Variants in STAB2 observed in about 807,000 individuals in gnomAD.
The protein encoded by STAB2 is stabilin 2.
Under a neutral mutation model 338.1 loss-of-function variants are expected in STAB2, and 288 were observed. That is an observed-to-expected ratio of 0.85 (90% CI 0.77 to 0.94). STAB2 has a LOEUF of 0.94. STAB2 is among the 40% of genes least tolerant of loss of function. The pLI is 0.00. For synonymous variants in STAB2, 1,202 were observed against 1,193.3 expected (o/e 1.01, Z -0.15); for missense variants, 3,141 against 3,210.1 (o/e 0.98, Z 0.52).
Position 103,670,726 on chromosome 12 carries a change from T to C in STAB2, c.2290T>C (p.Cys764Arg), listed in dbSNP as rs756137023. The change falls in exon 22 of 69, where the codon TGC (cysteine) becomes CGC (arginine). Residue 764 changes from cysteine (C) to arginine (R), a missense_variant. Transcript: ENST00000388887. ...CADSLGGNGT[C>R]ICEEGFQGSQ... ...AGATAGCCTCGGCGGCAACGGGACATGCATTTGTGAGGAGGGCTTCCAAGG... is the reference window on the plus strand; with the variant it reads ...AGATAGCCTCGGCGGCAACGGGACACGCATTTGTGAGGAGGGCTTCCAAGG... 2.4e-5 allele frequency: 39 copies of C among 1,614,028 alleles called. No individual in the cohort carries two copies. In the Admixed American group the frequency reaches 6.3e-4, roughly 26 times the overall value.
At chr12:103,735,955 A>G (rs1882087613) in intron 52 of STAB2, among the ~76,000 whole-genome samples, 1 of 151,774 alleles carries the variant, frequency 6.6e-6, no homozygotes, top group African/African-American at 2.4e-5. Flanking sequence ...CTCACCTCCA[A>G]CCCTCTCTTG....
At chr12:103,688,828 C>A (rs2138898123) in intron 28 of STAB2, among the ~76,000 whole-genome samples, 1 of 152,292 alleles carries the variant, frequency 6.6e-6, no homozygotes, top group African/African-American at 2.4e-5. Context: ...CTTGGTCTCA[C>A]CCCACAGGCA....
chr12:103,746,597 T>C lies in STAB2; in HGVS notation c.6137T>C (p.Val2046Ala). The change falls in exon 58 of 69, where the codon GTT becomes GCT. Residue 2046 changes from valine (V) to alanine (A), a missense_variant and splice_region_variant. Physicochemically the swap from Val to Ala is moderately conservative, Grantham distance 64. Transcript: ENST00000388887. The stretch of plus-strand genomic sequence containing the variant: ...ATGAAAGTGGCCCCTTTCTTTGCAG[T>C]TTTGCCTGCAGTGTGTACGCCTCCT... ...WTGPSCDTQAVLPAVCTPPCS... is the reference protein window; with the variant it reads ...WTGPSCDTQAALPAVCTPPCS... The C allele has an allele frequency of 6.2e-7, 1 of 1,613,928 alleles. No homozygotes were observed. The highest frequency in any genetic ancestry group is 2.2e-5 in the East Asian group (1 of 44,876).
At chr12:103,705,786 A>G in intron 37 of STAB2, 59 bp downstream of exon 37, 2 of 1,520,512 alleles carry the variant, frequency 1.3e-6, no homozygotes, top group East Asian at 2.3e-5. Flanking sequence ...AATCCATCAT[A>G]TGGTATCCTT....
At chr12:103,711,816 C>T (rs1368570489) in intron 40 of STAB2, among the ~76,000 whole-genome samples, 2 of 152,162 alleles carry the variant, frequency 1.3e-5, no homozygotes, top group African/African-American at 2.4e-5. Flanking sequence ...CCTCAGTTTC[C>T]ATAAACCTTG....
rs1379959759 is a variant in STAB2, at chr12:103,725,178, C to G, written c.4803+84C>G. 6 of 1,542,446 alleles carry G rather than the reference C, an allele frequency of 3.9e-6. No homozygotes were observed. In the Admixed American group the frequency reaches 1.2e-4, roughly 30 times the overall value. Reference sequence around the variant, plus strand: ...CAGGTAGCTAAGGAGTATTTAAGAGCTTGGTGAAATGTAAAGCGCTATAAA... The same window carrying G: ...CAGGTAGCTAAGGAGTATTTAAGAGGTTGGTGAAATGTAAAGCGCTATAAA... On this transcript the variant is annotated intron_variant, in intron 45 of 68. Coordinates refer to ENST00000388887, the MANE Select transcript of STAB2 (RefSeq NM_017564.10).
Position 103,735,585 on chromosome 12 carries a change from G to C in STAB2, c.5550+5G>C. The C allele has an allele frequency of 1.7e-6, 1 of 572,734 alleles. No homozygotes were observed. The highest frequency in any genetic ancestry group is 3.3e-6 in the Non-Finnish European group (1 of 304,560). The allele number at this position is 572,734 out of a possible 1,614,324, so 35.5% of individuals were successfully genotyped here. The stretch of plus-strand genomic sequence containing the variant: ...TGTGGAGCTGGCAGGGACATCGTGA[G>C]TATCATCATGAAGGGTGGGCAGGGA... On this transcript the variant is annotated splice_donor_5th_base_variant and intron_variant, in intron 52 of 68. Coordinates refer to ENST00000388887, the MANE Select transcript of STAB2 (RefSeq NM_017564.10).
chr12:103,755,335 G>C lies in STAB2; in HGVS notation c.6748G>C (p.Glu2250Gln). The change falls in exon 62 of 69, where the codon GAG (glutamate) becomes CAG (glutamine). Residue 2250 changes from glutamate (E) to glutamine (Q), a missense_variant. By Grantham distance (29) the Glu-to-Gln change is conservative. Coordinates refer to ENST00000388887, the MANE Select transcript of STAB2 (RefSeq NM_017564.10). ...CCACCTGTGCTCAGCAGGCTGGCTG[G>C]AGACCGGGCGGGTTGCCTACCCCAC... ...KYHLCSAGWL[E>Q]TGRVAYPTAF... The C allele has an allele frequency of 6.2e-7, 1 of 1,614,136 alleles. No homozygotes were observed. The highest frequency in any genetic ancestry group is 8.5e-7 in the Non-Finnish European group (1 of 1,180,040).
chr12:103,618,603 GGGAAGGGACAGCA>G (rs1957247832), intron 3 of STAB2, among the ~76,000 whole-genome samples: 1 of 152,198 alleles, frequency 6.6e-6, no homozygotes. Flanking sequence ...GGGGATGAGA[GGGAAGGGACAGCA>G]GGAAGGTGGT....
intron 3 of STAB2, among the ~76,000 whole-genome samples, chr12:103,605,174 A>G (rs559807529): frequency 6.6e-6 from 1 of 152,002 alleles, no homozygotes; most frequent in South Asian, 2.1e-4. Context: ...ATTGTTTCCA[A>G]ATATGTTTCT....
At chr12:103,706,094 C>G (rs1415650377) in intron 37 of STAB2, among the ~76,000 whole-genome samples, 6 of 152,130 alleles carry the variant, frequency 3.9e-5, no homozygotes. Context: ...ATTTAGAAAA[C>G]AGGACCCCAA....
Position 103,731,756 on chromosome 12 carries a change from G to A in STAB2, c.5283+121G>A, listed in dbSNP as rs1251418543. 3 of 932,918 alleles carry A rather than the reference G, an allele frequency of 3.2e-6. No individual in the cohort carries two copies. The African/African-American group carries it at 5.0e-5, about 16-fold the overall frequency. 57.8% of individuals were successfully genotyped at this position (932,918 alleles called of 1,614,324 possible). A position where few individuals can be genotyped will look rare whatever the true frequency, so the allele number is the denominator to read the frequency against. On this transcript the variant is annotated intron_variant, in intron 50 of 68. Transcript: ENST00000388887. ...GCCAGCTGTTGTGGGATCTGCATGG[G>A]GAAGTCTCAGTTTTCTGGAGAGCAA... is the stretch of plus-strand genomic sequence containing the variant.
Position 103,762,307 on chromosome 12 carries a change from T to C in STAB2, c.7393T>C (p.Phe2465Leu), listed in dbSNP as rs1884595356. The change falls in exon 67 of 69, where the codon TTC becomes CTC. Residue 2465 changes from phenylalanine to leucine, a missense_variant. Phe to Leu is a conservative substitution (Grantham distance 22). Transcript: ENST00000388887. ...LTHTGLGAGI[F>L]FAIILVTGAV... The stretch of plus-strand genomic sequence containing the variant: ...CCACACTGGCTTGGGAGCAGGGATC[T>C]TCTTTGCCATCATCCTGGTGACTGG... 5.6e-6 allele frequency: 9 copies of C among 1,614,236 alleles called. No individual in the cohort carries two copies. Among genetic ancestry groups the C allele is most frequent in the Non-Finnish European group, 7.6e-6 (9 of 1,180,044 alleles).
chr12:103,652,102 A>G (rs1873788143), intron 11 of STAB2, among the ~76,000 whole-genome samples: 1 of 152,216 alleles, frequency 6.6e-6, no homozygotes, highest in Non-Finnish European at 1.5e-5. Flanking sequence ...GATCCCATGG[A>G]TTTCAAAAAT....
intron 18 of STAB2, among the ~76,000 whole-genome samples, chr12:103,665,931 T>A (rs1285707553): frequency 6.6e-6 from 1 of 152,220 alleles, no homozygotes; most frequent in South Asian, 2.1e-4. Flanking sequence ...ACTTCATCCC[T>A]AGCACAGGTC....
chr12:103,668,792 CTCT>C, intron 20 of STAB2, 63 bp downstream of exon 20: 1 of 1,428,412 alleles, frequency 7.0e-7, no homozygotes, highest in Middle Eastern at 2.2e-4. Context: ...CAGGGCCATG[CTCT>C]TGGGTCCTAG....
chr12:103,714,719 A>G (rs1880165674), intron 42 of STAB2, among the ~76,000 whole-genome samples: 3 of 151,228 alleles, frequency 2.0e-5, no homozygotes, highest in Admixed American at 2.0e-4. Flanking sequence ...AGCCCTGTTT[A>G]TCATTTGCTC....
intron 5 of STAB2, among the ~76,000 whole-genome samples, chr12:103,626,628 G>C (rs1245347251): frequency 6.6e-6 from 1 of 152,194 alleles, no homozygotes; most frequent in Non-Finnish European, 1.5e-5. Context: ...GCGATGCCTG[G>C]TCATTTCCCA....
At chr12:103,605,687 T>G (rs2138577635) in intron 3 of STAB2, among the ~76,000 whole-genome samples, 1 of 152,154 alleles carries the variant, frequency 6.6e-6, no homozygotes, top group East Asian at 1.9e-4. Flanking sequence ...GTTCTGTTGA[T>G]GAATTGATTC....
Sources: allele counts gnomAD v4.1 joint callset (sites outside exome capture counted in the v4.1 genomes callset), GRCh38; gene constraint gnomAD v4.1.1; transcripts MANE v1.5; gene names NCBI Gene and HGNC (gene_info 2026-07-23, HGNC 2026-07-21).